MKNK2: variants seen among roughly 807,000 people sequenced by gnomAD.
The protein encoded by MKNK2 is MAP kinase-interacting serine/threonine-protein kinase 2.
In MKNK2, 54 loss-of-function variants were observed where a neutral mutation model predicts 55.0. The ratio of observed to expected loss-of-function variants is 0.98; its 90% confidence interval spans 0.79 to 1.23. The LOEUF (loss-of-function observed/expected upper bound fraction) is 1.23, where lower values mean the gene tolerates loss of function less well. Among genes scored for constraint, MKNK2 ranks in the 50% most tolerant of loss-of-function variants. The pLI is 0.00. For synonymous variants in MKNK2, 323 were observed against 256.0 expected (o/e 1.26, Z -2.50); for missense variants, 685 against 632.1 (o/e 1.08, Z -0.90).
chr19:2,045,302 G>A (rs940154892), intron 5 of MKNK2, among the ~76,000 whole-genome samples: 6 of 152,154 alleles, frequency 3.9e-5, no homozygotes, highest in Non-Finnish European at 8.8e-5. Flanking sequence ...GTCAAACAAA[G>A]ACAGGAAGCA....
rs2016805932 is a variant in MKNK2, at chr19:2,038,628, A to C, written c.*985T>G. 1 of 984,758 alleles carries C rather than the reference A, an allele frequency of 1.0e-6. No homozygotes were observed. Among genetic ancestry groups the C allele is most frequent in the East Asian group, 1.1e-4 (1 of 8,776 alleles). 61.0% of individuals were successfully genotyped at this position (984,758 alleles called of 1,614,324 possible). ...GGGTCTGGGCTCAGCTCTAAGGACA[A>C]GGACGGAGCTGACGGAGCTTCCAGG... On this transcript the variant is annotated 3_prime_UTR_variant, in exon 14 of 14. Transcript: ENST00000250896.
In MKNK2 at chr19:2,038,793, T is replaced by C. The variant is rs1244424505; in HGVS notation, c.*820A>G. On this transcript the variant is annotated 3_prime_UTR_variant, in exon 14 of 14. Coordinates refer to ENST00000250896, the MANE Select transcript of MKNK2 (RefSeq NM_199054.3). Reference sequence around the variant, plus strand: ...GTGCCTGTCCAGCCCCTCTGCCTGCTGCGGTGGAAACGGCTTCGGGCCAGG... The same window carrying C: ...GTGCCTGTCCAGCCCCTCTGCCTGCCGCGGTGGAAACGGCTTCGGGCCAGG... The C allele has an allele frequency of 1.4e-5, 14 of 985,502 alleles. No homozygotes were observed. In the South Asian group the frequency reaches 1.9e-4, roughly 13 times the overall value. 61.0% of individuals were successfully genotyped at this position (985,502 alleles called of 1,614,324 possible).
chr19:2,041,285 C>G, intron 11 of MKNK2, 81 bp from the exon 12 acceptor site: 1 of 1,468,208 alleles, frequency 6.8e-7, no homozygotes, highest in Non-Finnish European at 9.3e-7. Flanking sequence ...CCAACCGGAC[C>G]CCAACCAGGC....
intron 11 of MKNK2, 121 bp downstream of exon 11, chr19:2,041,718 CA>C (rs2016887196): frequency 2.6e-6 from 2 of 772,148 alleles, no homozygotes; most frequent in East Asian, 3.0e-5. Context: ...AGGGGGTGGT[CA>C]GGGGGCAGGT....
At position 2,039,652 on chromosome 19, in the gene MKNK2, C is replaced by G; in HGVS notation, c.1359G>C (p.Leu453=). The part of the protein sequence containing the change: ...KLAQRRQRAS[L]SSAPVVLVGD... ...CCACCAGGACCACTGGGGCCGAGGA[C>G]AGACTGGCCCTTTGCCGCCGCTGCG... The change falls in exon 14 of 14, where the codon CTG becomes CTC. Residue 453 remains leucine (L), a synonymous_variant. Coordinates refer to ENST00000250896, the MANE Select transcript of MKNK2 (RefSeq NM_199054.3). 1 of 1,613,016 alleles carries G rather than the reference C, an allele frequency of 6.2e-7. No individual in the cohort carries two copies. The highest frequency in any genetic ancestry group is 8.5e-7 in the Non-Finnish European group (1 of 1,179,892).
intron 12 of MKNK2, 32 bp downstream of exon 12, chr19:2,041,008 C>A (rs778860610): frequency 1.7e-5 from 27 of 1,611,596 alleles, no homozygotes; most frequent in Non-Finnish European, 2.2e-5. Flanking sequence ...CGCCCCCATA[C>A]CCCTCCTGCC....
chr19:2,040,920 C>T (rs765538984), intron 12 of MKNK2, 120 bp downstream of exon 12: 1 of 998,688 alleles, frequency 1.0e-6, no homozygotes, highest in Non-Finnish European at 1.5e-6. Flanking sequence ...AGCCTGTGCT[C>T]TCAAGCCTCA....
At chr19:2,044,861 C>G (rs921119518) in intron 5 of MKNK2, among the ~76,000 whole-genome samples, 4 of 152,192 alleles carry the variant, frequency 2.6e-5, no homozygotes, top group Non-Finnish European at 4.4e-5. Context: ...CGCAGCCCCT[C>G]CTGGCATGGA....
chr19:2,039,802 G>A lies in MKNK2; in HGVS notation c.1209C>T (p.Asn403=), dbSNP rs1160863931. The A allele has an allele frequency of 3.7e-6, 6 of 1,605,874 alleles. No individual in the cohort carries two copies. The highest frequency in any genetic ancestry group is 5.1e-6 in the Non-Finnish European group (6 of 1,179,174). Residue 403 remains asparagine (N), a synonymous_variant, in exon 14 of 14, where the codon AAC becomes AAT. Transcript: ENST00000250896. ...CCTCGTCGTGCTGGGCCAGCTGCCG[G>A]TTCATGGCAATGGCCTCAGCCGCGA... is the stretch of plus-strand genomic sequence containing the variant. ...TSFAAEAIAM[N]RQLAQHDEDL...
chr19:2,049,127 C>T (rs1364277319), intron 2 of MKNK2, among the ~76,000 whole-genome samples: 1 of 152,230 alleles, frequency 6.6e-6, no homozygotes, highest in Non-Finnish European at 1.5e-5. Context: ...TACAGATGGA[C>T]GGCCGCAGCC....
intron 2 of MKNK2, among the ~76,000 whole-genome samples, chr19:2,050,173 C>G (rs892489054): frequency 6.6e-6 from 1 of 152,186 alleles, no homozygotes; most frequent in African/African-American, 2.4e-5. Context: ...AGTCACCACC[C>G]GGGCTGCGCA....
rs370243588 is a variant in MKNK2, at chr19:2,046,392, G to C, written c.216C>G (p.Thr72=). The C allele has an allele frequency of 2.9e-4, 474 of 1,608,658 alleles. 5 individuals carry two copies. The East Asian group carries it at 0.01, about 35-fold the overall frequency. ...RGKKKKRGRA[T]DSFSGRFEDV... ...CTTCAAACCTGCCCGAGAAGCTGTC[G>C]GTGGCCCGGCCGCGCTTCTTCTTCT... The change falls in exon 4 of 14, where the codon ACC becomes ACG. Residue 72 remains threonine, a synonymous_variant. Coordinates refer to ENST00000250896, the MANE Select transcript of MKNK2 (RefSeq NM_199054.3).
chr19:2,040,289 C>A, intron 12 of MKNK2, 112 bp from the exon 13 acceptor site: 1 of 992,518 alleles, frequency 1.0e-6, no homozygotes, highest in South Asian at 1.7e-5. Flanking sequence ...CAGGACCCCA[C>A]CGGAGACCAG....
chr19:2,043,082 TCCCAG>T, intron 7 of MKNK2, 37 bp downstream of exon 7: 1 of 1,551,210 alleles, frequency 6.4e-7, no homozygotes, highest in Non-Finnish European at 8.9e-7. Context: ...CCGTAATACC[TCCCAG>T]CTCCCTCCCT....
At chr19:2,046,321 C>CT (rs869260385) in intron 4 of MKNK2, 38 bp from the exon 5 acceptor site, 2 of 1,603,530 alleles carry the variant, frequency 1.2e-6, no homozygotes, top group African/African-American at 2.7e-5. Context: ...GGGACCCTGG[C>CT]TTTTCCCCGC....
rs3833279 is a variant in MKNK2, at chr19:2,039,435, G to GA, written c.*177dup. On this transcript the variant is annotated 3_prime_UTR_variant, in exon 14 of 14. Transcript: ENST00000250896. ...AAATAACGGGGAGGGGTGGAAACAG[G>GA]AAAAAAAAAACCCAAAAGCAAAAAC... 0.27 allele frequency: 353,431 copies of GA among 1,298,482 alleles called. 29,257 individuals are homozygous for GA. The highest frequency in any genetic ancestry group is 0.32 in the Admixed American group (10,146 of 32,026). 80.4% of individuals were successfully genotyped at this position (1,298,482 alleles called of 1,614,324 possible).
Position 2,042,886 on chromosome 19 carries a change from CA to C in MKNK2, c.494-17del. 6.4e-7 allele frequency: 1 copy of C among 1,552,728 alleles called. No homozygotes were observed. The highest frequency in any genetic ancestry group is 8.7e-7 in the Non-Finnish European group (1 of 1,147,454). On this transcript the variant is annotated splice_polypyrimidine_tract_variant and intron_variant, in intron 7 of 13. Coordinates refer to ENST00000250896, the MANE Select transcript of MKNK2 (RefSeq NM_199054.3). The stretch of plus-strand genomic sequence containing the variant: ...AGGATGGAGCCTGGGCAGGGCAGGG[CA>C]GGGCAGGACAGGGGGAACACGCAGG...
intron 12 of MKNK2, 89 bp downstream of exon 12, chr19:2,040,951 G>T: frequency 7.7e-7 from 1 of 1,299,498 alleles, no homozygotes; most frequent in South Asian, 1.2e-5. Context: ...GGGTGTCCAG[G>T]CTACACCCTC....
At chr19:2,044,043 C>T (rs893427986) in intron 5 of MKNK2, among the ~76,000 whole-genome samples, 5 of 151,622 alleles carry the variant, frequency 3.3e-5, no homozygotes, top group Non-Finnish European at 7.4e-5. Flanking sequence ...CCCTGACAGC[C>T]CTCAGAGACA....
Sources: allele counts gnomAD v4.1 joint callset (sites outside exome capture counted in the v4.1 genomes callset), GRCh38; gene constraint gnomAD v4.1.1; transcripts MANE v1.5; gene names NCBI Gene and HGNC (gene_info 2026-07-23, HGNC 2026-07-21).